The following ZNF600 variants were observed in gnomAD, a reference collection of about 807,000 sequenced individuals.
ZNF600 encodes zinc finger protein 600, also known as zinc finger protein KR-ZNF1.
ZNF600 carries 4 observed loss-of-function variants against 7.3 expected under a neutral mutation model. That is an observed-to-expected ratio of 0.55 (90% confidence interval 0.27 to 1.25). The LOEUF (loss-of-function observed/expected upper bound fraction) is 1.25. Among genes scored for constraint, ZNF600 ranks in the 50% most tolerant of loss-of-function variants. ZNF600 has a pLI of 0.12. For synonymous variants in ZNF600, 290 were observed against 308.9 expected (o/e 0.94, Z 0.64); for missense variants, 911 against 922.1 (o/e 0.99, Z 0.16).
At chr19:52,790,546 T>C (rs1029162287), upstream of ZNF600, among the ~76,000 whole-genome samples, 3 of 152,092 alleles carry the variant, frequency 2.0e-5, no homozygotes, top group African/African-American at 7.2e-5. Flanking sequence ...TGGTGACCCA[T>C]GCCTATCTTT....
At chr19:52,775,811 A>C (rs188915769) in intron 2 of ZNF600, among the ~76,000 whole-genome samples, 20 of 152,182 alleles carry the variant, frequency 1.3e-4, no homozygotes, top group African/African-American at 4.3e-4. Context: ...GTTTGAGACC[A>C]GCTTGGGAAC....
chr19:52,777,025 A>T (rs1341295758), intron 2 of ZNF600, among the ~76,000 whole-genome samples: 1 of 152,072 alleles, frequency 6.6e-6, no homozygotes, highest in Non-Finnish European at 1.5e-5. Flanking sequence ...TCAATGATGT[A>T]AGAAAGCATC....
the ZNF600 span, chr19:52,805,903 C>T: frequency 6.6e-6 from 1 of 151,962 alleles, no homozygotes; most frequent in Admixed American, 6.6e-5. Flanking sequence ...TCGGTTGTAC[C>T]CGAGAGGCAG....
chr19:52,794,162 G>T, the ZNF600 span, among the ~76,000 whole-genome samples: 2 of 152,100 alleles, frequency 1.3e-5, no homozygotes, highest in Admixed American at 6.6e-5. Context: ...CCTGAGATGA[G>T]ATAAGGAAAA....
At chr19:52,832,318 G>T in the ZNF600 span, among the ~76,000 whole-genome samples, 2 of 152,180 alleles carry the variant, frequency 1.3e-5, no homozygotes, top group South Asian at 2.1e-4. Context: ...GAGACAGGCC[G>T]GGCACGGTGG....
the ZNF600 span, among the ~76,000 whole-genome samples, chr19:52,804,447 T>C: frequency 6.6e-6 from 1 of 152,172 alleles, no homozygotes; most frequent in Admixed American, 6.5e-5. Flanking sequence ...CTTGGCGCAC[T>C]GCAACCTCCA....
At chr19:52,782,099 G>A (rs141073117) in intron 1 of ZNF600, among the ~76,000 whole-genome samples, 5,412 of 151,988 alleles carry the variant, frequency 0.036, 192 homozygotes, top group African/African-American at 0.09. Flanking sequence ...CTCGTGGGGC[G>A]TGCCTGTGGT....
the ZNF600 span, among the ~76,000 whole-genome samples, chr19:52,803,956 CA>C: frequency 4.6e-5 from 7 of 152,042 alleles, no homozygotes; most frequent in East Asian, 1.4e-3. Flanking sequence ...GACTCCATCT[CA>C]AAAAAATAAA....
chr19:52,791,934 G>T, the ZNF600 span, among the ~76,000 whole-genome samples: 1 of 152,200 alleles, frequency 6.6e-6, no homozygotes. Flanking sequence ...CTCAGAAATG[G>T]AGGACTCAGA....
At chr19:52,790,412 G>A (rs961522462), upstream of ZNF600, among the ~76,000 whole-genome samples, 5 of 152,116 alleles carry the variant, frequency 3.3e-5, no homozygotes, top group African/African-American at 1.2e-4. Flanking sequence ...CAGAAGAATC[G>A]CTTGAACCCA....
At chr19:52,767,761 T>C in exon 4 of ZNF600, 3 of 1,567,838 alleles carry the variant, frequency 1.9e-6, no homozygotes, top group Non-Finnish European at 2.6e-6. Context: ...ATCATGCGTT[T>C]GGAAGAGATA....
At chr19:52,799,064 T>A in the ZNF600 span, 1 of 481,994 alleles carries the variant, frequency 2.1e-6, no homozygotes, top group African/African-American at 2.0e-5. Context: ...CAAGCTGTGA[T>A]TTGTGACTGA....
At chr19:52,828,750 AGAGT>A in the ZNF600 span, among the ~76,000 whole-genome samples, 1 of 152,324 alleles carries the variant, frequency 6.6e-6, no homozygotes, top group South Asian at 2.1e-4. Context: ...AGCCATGTTC[AGAGT>A]TCTTATTCTC....
chr19:52,810,271 T>C, the ZNF600 span: 2 of 1,408,618 alleles, frequency 1.4e-6, no homozygotes, highest in Non-Finnish European at 2.0e-6. Context: ...GGCCCAGTGA[T>C]CACGTCCATT....
chr19:52,789,913 GGGTA>G (rs1255314585), upstream of ZNF600, among the ~76,000 whole-genome samples: 1 of 152,030 alleles, frequency 6.6e-6, no homozygotes, highest in Non-Finnish European at 1.5e-5. Context: ...TATAAGATTT[GGGTA>G]GGTAAAGGAA....
At chr19:52,774,254 AC>A (rs2062654047) in intron 3 of ZNF600, among the ~76,000 whole-genome samples, 1 of 151,002 alleles carries the variant, frequency 6.6e-6, no homozygotes, top group African/African-American at 2.4e-5. Flanking sequence ...ACATAGAGAA[AC>A]CCCGTCTCTA....
At chr19:52,830,929 A>C in the ZNF600 span, among the ~76,000 whole-genome samples, 1 of 141,614 alleles carries the variant, frequency 7.1e-6, no homozygotes, top group Admixed American at 7.1e-5. Context: ...AGGAAAGTGG[A>C]ACTAATTTAG....
chr19:52,804,412 C>T, the ZNF600 span, among the ~76,000 whole-genome samples: 2,423 of 152,242 alleles, frequency 0.016, 71 homozygotes, highest in African/African-American at 0.056. Flanking sequence ...ACTCTGTCTC[C>T]CGGTCTGGAG....
At chr19:52,810,693 G>C in the ZNF600 span, 131 of 805,906 alleles carry the variant, frequency 1.6e-4, 1 homozygote, top group African/African-American at 1.8e-3. Flanking sequence ...CGACATCACG[G>C]TATTCCCCTT....
Sources: gnomAD v4.1 joint callset for allele counts (sites outside exome capture counted in the v4.1 genomes callset) on GRCh38, gnomAD v4.1.1 for gene constraint, MANE v1.5 for transcripts, NCBI Gene and HGNC (gene_info 2026-07-23, HGNC 2026-07-21) for gene names.